Variants in PDE8A observed in about 807,000 individuals in gnomAD.
PDE8A encodes high affinity cAMP-specific and IBMX-insensitive 3',5'-cyclic phosphodiesterase 8A.
In PDE8A, 59 loss-of-function variants were observed where a neutral mutation model predicts 105.0. That is an observed-to-expected ratio of 0.56 (90% CI 0.46 to 0.70). The LOEUF is 0.70. Ranked by LOEUF, PDE8A falls within the 30% of genes least tolerant of loss-of-function variation. The probability of loss-of-function intolerance (pLI) is 0.00; values close to 1 mark genes in which losing one functional copy is unlikely to be tolerated. For synonymous variants in PDE8A, 355 were observed against 371.9 expected (o/e 0.95, Z 0.52); for missense variants, 1,014 against 1,045.9 (o/e 0.97, Z 0.42).
chr15:85,112,667 CT>C (rs1179867237), intron 12 of PDE8A, among the ~76,000 whole-genome samples: 2 of 152,198 alleles, frequency 1.3e-5, no homozygotes, highest in African/African-American at 4.8e-5. Context: ...GGGACAGCCC[CT>C]GGTCCTGTAA....
intron 3 of PDE8A, among the ~76,000 whole-genome samples, chr15:85,070,399 T>C (rs1159003363): frequency 6.6e-6 from 1 of 152,200 alleles, no homozygotes; most frequent in Non-Finnish European, 1.5e-5. Context: ...GATGTGCTTC[T>C]TGTCTCTGAG....
At position 85,116,284 on chromosome 15, in the gene PDE8A, G is replaced by C. The variant is rs2082096544; in HGVS notation, c.1535+165G>C. ...GGTGGCTCTGAGTCACCAGGGCCTG[G>C]GGGAGAGTCTGCTGGCCACAGTGAT... On this transcript the variant is annotated intron_variant, in intron 16 of 21. Coordinates refer to ENST00000394553, the MANE Select transcript of PDE8A (RefSeq NM_002605.3). 4 of 604,354 alleles carry C rather than the reference G, an allele frequency of 6.6e-6. No homozygotes were observed. In the East Asian group the frequency reaches 1.1e-4, roughly 17 times the overall value. The allele number at this position is 604,354 out of a possible 1,614,324, so 37.4% of individuals were successfully genotyped here. A position where few individuals can be genotyped will look rare whatever the true frequency, so the allele number is the denominator to read the frequency against.
intron 7 of PDE8A, 85 bp from the exon 8 acceptor site, chr15:85,090,959 G>C: frequency 8.1e-7 from 1 of 1,230,968 alleles, no homozygotes; most frequent in Non-Finnish European, 1.1e-6. Context: ...AAAACCTGAA[G>C]GGCTTAGGTC....
At chr15:85,038,947 C>G (rs1309621954) in intron 1 of PDE8A, among the ~76,000 whole-genome samples, 1 of 152,072 alleles carries the variant, frequency 6.6e-6, no homozygotes, top group Middle Eastern at 3.2e-3. Context: ...CATGGAGAAA[C>G]CCCGTCTCTA....
chr15:85,005,782 G>T lies in PDE8A; in HGVS notation c.186+23434G>T, dbSNP rs547892422. ...CTCAGCATTAGGACTGCCCTCTCTC[G>T]TTTTGTTTCAAAAAGAGTTTAAGTA... On this transcript the variant is annotated intron_variant, in intron 1 of 21. Transcript: ENST00000394553. Among the ~76,000 whole-genome samples the T allele has an allele frequency of 4.6e-5, 7 of 152,034 alleles. No homozygotes were observed. The South Asian group carries it at 1.5e-3, about 32-fold the overall frequency.
intron 1 of PDE8A, among the ~76,000 whole-genome samples, chr15:85,034,884 G>A (rs561771746): frequency 1.3e-5 from 2 of 152,084 alleles, no homozygotes. Flanking sequence ...TTTCATGGGG[G>A]TTAAATAGAT....
intron 1 of PDE8A, among the ~76,000 whole-genome samples, chr15:85,055,404 G>A (rs1333944289): frequency 6.6e-6 from 1 of 152,196 alleles, no homozygotes; most frequent in Non-Finnish European, 1.5e-5. Flanking sequence ...AATGTTGACA[G>A]TGGGATGTTA....
At chr15:85,060,944 G>C (rs149811123) in intron 1 of PDE8A, among the ~76,000 whole-genome samples, 17 of 152,168 alleles carry the variant, frequency 1.1e-4, no homozygotes, top group African/African-American at 3.6e-4. Flanking sequence ...TTACCCTGCA[G>C]GACTCCCTTG....
intron 14 of PDE8A, among the ~76,000 whole-genome samples, chr15:85,115,068 A>AT (rs2082074831): frequency 6.6e-6 from 1 of 152,106 alleles, no homozygotes; most frequent in Admixed American, 6.5e-5. Flanking sequence ...ATGGAGGAGA[A>AT]GGACTGAGGG....
At chr15:85,127,447 A>G (rs1180779892) in intron 20 of PDE8A, among the ~76,000 whole-genome samples, 1 of 152,212 alleles carries the variant, frequency 6.6e-6, no homozygotes, top group Non-Finnish European at 1.5e-5. Context: ...AATTATTAGC[A>G]CTAATAAGTG....
At chr15:85,113,779 T>G in intron 13 of PDE8A, 94 bp from the exon 14 acceptor site, 1 of 963,354 alleles carries the variant, frequency 1.0e-6, no homozygotes, top group Non-Finnish European at 1.6e-6. Flanking sequence ...CTCAGCCTCC[T>G]GAGTAGCTGG....
At chr15:85,097,345 C>A (rs1596515753) in intron 8 of PDE8A, among the ~76,000 whole-genome samples, 2 of 152,152 alleles carry the variant, frequency 1.3e-5, no homozygotes, top group East Asian at 1.9e-4. Context: ...GAAAGAATCC[C>A]CACGTTCTGT....
chr15:85,037,116 A>G (rs1390965763), intron 1 of PDE8A, among the ~76,000 whole-genome samples: 1 of 147,930 alleles, frequency 6.8e-6, no homozygotes, highest in Non-Finnish European at 1.5e-5. Context: ...CCCAGGCTGG[A>G]GTGCAATGGC....
At chr15:85,125,445 C>G (rs909348104) in intron 19 of PDE8A, among the ~76,000 whole-genome samples, 2 of 152,060 alleles carry the variant, frequency 1.3e-5, no homozygotes, top group Admixed American at 6.6e-5. Flanking sequence ...TGATCCATAT[C>G]CAGTGGGGAT....
At chr15:85,101,221 G>T (rs1023313414) in intron 11 of PDE8A, among the ~76,000 whole-genome samples, 1 of 152,164 alleles carries the variant, frequency 6.6e-6, no homozygotes, top group African/African-American at 2.4e-5. Context: ...CTGAAGCACA[G>T]TTTTTATGGG....
At chr15:85,024,343 T>C (rs1349269712) in intron 1 of PDE8A, among the ~76,000 whole-genome samples, 1 of 152,220 alleles carries the variant, frequency 6.6e-6, no homozygotes, top group Non-Finnish European at 1.5e-5. Context: ...CTATATGAAA[T>C]TGCCATTTAA....
intron 20 of PDE8A, among the ~76,000 whole-genome samples, chr15:85,135,911 A>G (rs1424630030): frequency 1.3e-5 from 2 of 152,142 alleles, no homozygotes; most frequent in Non-Finnish European, 2.9e-5. Context: ...AACCTTTTCA[A>G]AAAAATAATT....
intron 1 of PDE8A, among the ~76,000 whole-genome samples, chr15:85,034,469 C>T (rs751305604): frequency 6.6e-6 from 1 of 152,014 alleles, no homozygotes; most frequent in Non-Finnish European, 1.5e-5. Flanking sequence ...TATGACCTGA[C>T]GGTGTGTGGT....
chr15:85,086,075 G>A (rs929890800), intron 6 of PDE8A, among the ~76,000 whole-genome samples: 5 of 151,654 alleles, frequency 3.3e-5, no homozygotes, highest in South Asian at 2.1e-4. Flanking sequence ...AAATCAACAC[G>A]GGAAAAAGTG....
Sources: allele counts gnomAD v4.1 joint callset (sites outside exome capture counted in the v4.1 genomes callset), GRCh38; gene constraint gnomAD v4.1.1; transcripts MANE v1.5; gene names NCBI Gene and HGNC (gene_info 2026-07-23, HGNC 2026-07-21).